The following LRRTM4 variants were observed in gnomAD, a reference collection of about 807,000 sequenced individuals.
LRRTM4 encodes the protein leucine rich repeat transmembrane neuronal 4.
Under a neutral mutation model 47.6 loss-of-function variants are expected in LRRTM4, and 25 were observed. The ratio of observed to expected loss-of-function variants is 0.53; its 90% confidence interval spans 0.38 to 0.73. The LOEUF is 0.73. Among genes scored for constraint, LRRTM4 ranks in the 30% least tolerant of loss-of-function variants. The pLI is 0.00. For synonymous variants in LRRTM4, 311 were observed against 269.5 expected, an observed-to-expected ratio of 1.15 and a Z score of -1.51; for missense variants, 638 against 713.4, an observed-to-expected ratio of 0.89 and a Z score of 1.20.
chr2:77,224,587 T>A (rs1222632658), intron 3 of LRRTM4, among the ~76,000 whole-genome samples: 1 of 152,190 alleles, frequency 6.6e-6, no homozygotes, highest in Non-Finnish European at 1.5e-5. Flanking sequence ...AAGACATTTA[T>A]GCAGCCAAAA....
chr2:77,147,751 A>G (rs757500207), intron 3 of LRRTM4, among the ~76,000 whole-genome samples: 3 of 152,252 alleles, frequency 2.0e-5, no homozygotes, highest in Non-Finnish European at 4.4e-5. Context: ...GAGAAATTCA[A>G]AAACATAAAT....
At chr2:76,998,707 C>T (rs1156851845) in intron 3 of LRRTM4, among the ~76,000 whole-genome samples, 1 of 150,984 alleles carries the variant, frequency 6.6e-6, no homozygotes, top group Non-Finnish European at 1.5e-5. Context: ...CACAATGTGA[C>T]AAAAACAGTC....
intron 3 of LRRTM4, among the ~76,000 whole-genome samples, chr2:77,029,230 A>G (rs1185946671): frequency 2.0e-5 from 3 of 151,960 alleles, no homozygotes; most frequent in Non-Finnish European, 4.4e-5. Flanking sequence ...ATAGATGTAT[A>G]TATGAATGGG....
intron 3 of LRRTM4, among the ~76,000 whole-genome samples, chr2:77,445,469 A>G (rs148028722): frequency 7.7e-4 from 117 of 151,992 alleles, no homozygotes; most frequent in African/African-American, 2.7e-3. Flanking sequence ...TTGCTCGCCT[A>G]TCTTTTCTTA....
At chr2:77,494,871 T>C (rs1678302846) in intron 3 of LRRTM4, among the ~76,000 whole-genome samples, 1 of 152,102 alleles carries the variant, frequency 6.6e-6, no homozygotes. Flanking sequence ...CCCTAGAATT[T>C]TATTTAAAAA....
chr2:77,277,029 C>T (rs1335747503), intron 3 of LRRTM4, among the ~76,000 whole-genome samples: 1 of 151,776 alleles, frequency 6.6e-6, no homozygotes, highest in Non-Finnish European at 1.5e-5. Flanking sequence ...CGCCTATGTT[C>T]AGTCTTTAAA....
chr2:77,142,657 C>T (rs1672155455), intron 3 of LRRTM4, among the ~76,000 whole-genome samples: 1 of 151,978 alleles, frequency 6.6e-6, no homozygotes, highest in Non-Finnish European at 1.5e-5. Context: ...CATGATTGAC[C>T]TCAGAATCAT....
chr2:77,347,008 T>A (rs192081371), intron 3 of LRRTM4, among the ~76,000 whole-genome samples: 108 of 152,214 alleles, frequency 7.1e-4, no homozygotes, highest in African/African-American at 2.5e-3. Context: ...ATCGATCAAC[T>A]CTCTGGCACT....
intron 3 of LRRTM4, among the ~76,000 whole-genome samples, chr2:77,493,725 A>G (rs1215283054): frequency 6.6e-6 from 1 of 152,150 alleles, no homozygotes; most frequent in Non-Finnish European, 1.5e-5. Flanking sequence ...TGTAAGGATG[A>G]CATCAACGAA....
At chr2:77,244,067 A>C (rs1191338521) in intron 3 of LRRTM4, among the ~76,000 whole-genome samples, 1 of 130,494 alleles carries the variant, frequency 7.7e-6, no homozygotes, top group African/African-American at 3.0e-5. Context: ...GATGATTTCC[A>C]ATTTCATCCA....
intron 3 of LRRTM4, among the ~76,000 whole-genome samples, chr2:77,320,325 C>T (rs1411508930): frequency 6.6e-6 from 1 of 152,124 alleles, no homozygotes; most frequent in African/African-American, 2.4e-5. Context: ...TATGAGTTGT[C>T]AGATAATCTC....
chr2:76,824,808 C>T (rs1671147602), intron 3 of LRRTM4, among the ~76,000 whole-genome samples: 1 of 151,586 alleles, frequency 6.6e-6, no homozygotes, highest in East Asian at 2.0e-4. Context: ...GTGAATTTGA[C>T]AGTCCATCAA....
At chr2:77,312,657 C>T (rs1023582226) in intron 3 of LRRTM4, among the ~76,000 whole-genome samples, 5 of 152,148 alleles carry the variant, frequency 3.3e-5, no homozygotes, top group African/African-American at 4.8e-5. Flanking sequence ...CTCACACACA[C>T]TCTTCCATTT....
At chr2:77,043,505 A>C (rs1573491563) in intron 3 of LRRTM4, among the ~76,000 whole-genome samples, 1 of 151,800 alleles carries the variant, frequency 6.6e-6, no homozygotes, top group African/African-American at 2.4e-5. Context: ...AAAGATGCCT[A>C]AACGAATGTC....
At chr2:77,050,100 C>A (rs7558964) in intron 3 of LRRTM4, among the ~76,000 whole-genome samples, 4,231 of 147,996 alleles carry the variant, frequency 0.029, 162 homozygotes, top group African/African-American at 0.092. Flanking sequence ...GGCTTCTAGT[C>A]TGCAGATGTG....
intron 3 of LRRTM4, among the ~76,000 whole-genome samples, chr2:76,968,091 G>A (rs77247247): frequency 0.053 from 7,949 of 150,468 alleles, 485 homozygotes; most frequent in East Asian, 0.14. Context: ...CAATTATATC[G>A]CACAGATCTA....
chr2:77,226,470 T>C (rs1179841549), intron 3 of LRRTM4, among the ~76,000 whole-genome samples: 2 of 151,152 alleles, frequency 1.3e-5, no homozygotes, highest in African/African-American at 2.4e-5. Flanking sequence ...AATCCTGCCA[T>C]TGTTGGTGTT....
At chr2:76,838,145 A>G (rs1173935321) in intron 3 of LRRTM4, among the ~76,000 whole-genome samples, 4 of 151,954 alleles carry the variant, frequency 2.6e-5, no homozygotes, top group Non-Finnish European at 4.4e-5. Context: ...TGTTCAAACT[A>G]TTAGTACTAT....
intron 3 of LRRTM4, among the ~76,000 whole-genome samples, chr2:76,801,156 T>G (rs1675655816): frequency 6.6e-6 from 1 of 152,156 alleles, no homozygotes; most frequent in Non-Finnish European, 1.5e-5. Flanking sequence ...AGCCATCCCA[T>G]TACTGGGTAT....
Sources: allele counts gnomAD v4.1 joint callset (sites outside exome capture counted in the v4.1 genomes callset), GRCh38; gene constraint gnomAD v4.1.1; transcripts MANE v1.5; gene names NCBI Gene and HGNC (gene_info 2026-07-23, HGNC 2026-07-21).